The following FAM111A variants were observed in gnomAD, a reference collection of about 807,000 sequenced individuals.
The protein encoded by FAM111A is FAM111 trypsin like peptidase A, also known as serine protease FAM111A.
Under a neutral mutation model 3.3 loss-of-function variants are expected in FAM111A, and 8 were observed. The observed-to-expected ratio is 2.39, with a 90% CI of 1.40 to 4.32. The LOEUF (loss-of-function observed/expected upper bound fraction) is 4.32, where lower values mean the gene tolerates loss of function less well. Among genes scored for constraint, FAM111A ranks in the 30% most tolerant of loss-of-function variants. FAM111A has a pLI of 0.00. For missense variants in FAM111A, 683 were observed against 727.6 expected (o/e 0.94, Z 0.71); for synonymous variants, 227 against 243.1 (o/e 0.93, Z 0.62).
Position 59,152,469 on chromosome 11 carries a change from G to A in FAM111A, c.801G>A (p.Glu267=). 1.2e-6 allele frequency: 2 copies of A among 1,611,086 alleles called. No homozygotes were observed. Among genetic ancestry groups the A allele is most frequent in the Non-Finnish European group, 1.7e-6 (2 of 1,177,336 alleles). ...TAGAAGGCAGATACTTTCAGGTTGAGGTTGAGAAAAGAATGGTCCCCAGTG... is the reference window on the plus strand; with the variant it reads ...TAGAAGGCAGATACTTTCAGGTTGAAGTTGAGAAAAGAATGGTCCCCAGTG... The part of the protein sequence containing the change: ...DELEGRYFQV[E]VEKRMVPSAA... Residue 267 remains glutamate, a synonymous_variant, in exon 6 of 6, where the codon GAG becomes GAA. Transcript: ENST00000675163.
Position 59,152,051 on chromosome 11 carries a change from T to G in FAM111A, c.383T>G (p.Val128Gly), listed in dbSNP as rs1861742806. Residue 128 changes from valine (V) to glycine (G), a missense_variant, in exon 6 of 6, where the codon GTG becomes GGG. This residue lies in a region of FAM111A where 557 missense variants were observed against 600.2 expected (regional missense o/e 0.93). Transcript: ENST00000675163. ...IETHQGQEML[V>G]RGTEGIKEYI... ...ACTCACCAAGGCCAAGAAATGCTTG[T>G]GCGTGGCACAGAAGGAATCAAAGAG... 1 of 1,614,090 alleles carries G rather than the reference T, an allele frequency of 6.2e-7. No individual in the cohort carries two copies.
In FAM111A at chr11:59,153,797, G is replaced by C. The variant is rs1862023200; in HGVS notation, c.*293G>C. 1 of 198,048 alleles carries C rather than the reference G, an allele frequency of 5.0e-6. No individual in the cohort carries two copies. Among genetic ancestry groups the C allele is most frequent in the Admixed American group, 5.8e-5 (1 of 17,200 alleles). 12.3% of individuals were successfully genotyped at this position (198,048 alleles called of 1,614,324 possible). ...GCTCACTGCAACTTCCACCTCCCAG[G>C]TTCAAGCGATTCTTATGCCTCAGTC... On this transcript the variant is annotated 3_prime_UTR_variant, in exon 6 of 6. Transcript: ENST00000675163.
intron 4 of FAM111A, among the ~76,000 whole-genome samples, chr11:59,147,086 A>G (rs935367946): frequency 2.6e-5 from 4 of 152,234 alleles, no homozygotes; most frequent in Middle Eastern, 3.4e-3. Flanking sequence ...AAAGCCAAAC[A>G]TGAGAGATGA....
Position 59,148,864 on chromosome 11 carries a change from C to A in FAM111A, c.-9C>A. Reference sequence around the variant, plus strand: ...TTCAGCTGAACCATCCGTTCATCTTCAAGCCATCATGAGCTGTAAGAAGCA... The same window carrying A: ...TTCAGCTGAACCATCCGTTCATCTTAAAGCCATCATGAGCTGTAAGAAGCA... On this transcript the variant is annotated 5_prime_UTR_variant, in exon 5 of 6. Transcript: ENST00000675163. 1 of 1,608,970 alleles carries A rather than the reference C, an allele frequency of 6.2e-7. No homozygotes were observed. The highest frequency in any genetic ancestry group is 8.5e-7 in the Non-Finnish European group (1 of 1,175,496).
chr11:59,148,576 G>A (rs892404328), intron 4 of FAM111A: 5 of 317,896 alleles, frequency 1.6e-5, no homozygotes, highest in Non-Finnish European at 2.9e-5. Context: ...GGAATTTGCA[G>A]CTAGAGATAA....
chr11:59,153,480 AATG>A lies in FAM111A; in HGVS notation c.1817_1819del (p.Met606del). ...TATTTGTAAATCAGCAGGATGTAGA[AATG>A]ATGAGTGATGAGGACTTGTGAGAAT... On this transcript the variant is annotated inframe_deletion, in exon 6 of 6. Transcript: ENST00000675163. The A allele has an allele frequency of 1.2e-6, 2 of 1,609,948 alleles. No homozygotes were observed. The highest frequency in any genetic ancestry group is 1.7e-6 in the Non-Finnish European group (2 of 1,178,092).
At chr11:59,149,061 T>C (rs940705195) in intron 5 of FAM111A, 108 bp downstream of exon 5, 1 of 729,622 alleles carries the variant, frequency 1.4e-6, no homozygotes, top group African/African-American at 1.7e-5. Context: ...CTCAAATTCT[T>C]CACATAACAT....
At chr11:59,148,039 A>G (rs915338958) in intron 4 of FAM111A, among the ~76,000 whole-genome samples, 1 of 152,210 alleles carries the variant, frequency 6.6e-6, no homozygotes, top group Admixed American at 6.5e-5. Context: ...CATGTCTCAG[A>G]CATTGTTTTG....
chr11:59,147,781 T>A (rs996630801), intron 4 of FAM111A, among the ~76,000 whole-genome samples: 1 of 152,232 alleles, frequency 6.6e-6, no homozygotes, highest in Non-Finnish European at 1.5e-5. Context: ...TCTAATAAAT[T>A]GTTCATAATA....
chr11:59,151,706 C>A, intron 5 of FAM111A, 44 bp from the exon 6 acceptor site: 1 of 1,396,836 alleles, frequency 7.2e-7, no homozygotes, highest in South Asian at 1.4e-5. Context: ...ACAAAAGACT[C>A]GGGTTGCATT....
intron 3 of FAM111A, chr11:59,144,164 A>G (rs1382295022): frequency 6.6e-6 from 1 of 152,242 alleles, no homozygotes; most frequent in Non-Finnish European, 1.5e-5. Context: ...TGTCTTATCA[A>G]CAGGTTGCTT....
chr11:59,145,239 A>AAGAGGGAGAGTGAAGGAGGGGAGG (rs1860698795), intron 3 of FAM111A: 1 of 148,898 alleles, frequency 6.7e-6, no homozygotes, highest in Admixed American at 6.7e-5. Context: ...GGGAGAGAGG[A>AAGAGGGAGAGTGAAGGAGGGGAGG]AGAGGGAGAG....
Position 59,153,575 on chromosome 11 carries a change from C to T in FAM111A, c.*71C>T. ...TTTCATAGGCATTGAAAATGGTTTT[C>T]TAAACTCCAAAATGGTCATCTTATC... On this transcript the variant is annotated 3_prime_UTR_variant, in exon 6 of 6. Transcript: ENST00000675163. 2 of 1,167,274 alleles carry T rather than the reference C, an allele frequency of 1.7e-6. No homozygotes were observed. The highest frequency in any genetic ancestry group is 2.4e-6 in the Non-Finnish European group (2 of 822,816). 72.3% of individuals were successfully genotyped at this position (1,167,274 alleles called of 1,614,324 possible). A position where few individuals can be genotyped will look rare whatever the true frequency, so the allele number is the denominator to read the frequency against.
Position 59,148,854 on chromosome 11 carries a change from C to A in FAM111A, c.-19C>A. ...AAATTAGTGTTTCAGCTGAACCATC[C>A]GTTCATCTTCAAGCCATCATGAGCT... On this transcript the variant is annotated 5_prime_UTR_variant, in exon 5 of 6. Coordinates refer to ENST00000675163, the MANE Select transcript of FAM111A (RefSeq NM_001312909.2). The A allele has an allele frequency of 6.4e-7, 1 of 1,573,526 alleles. No individual in the cohort carries two copies. The highest frequency in any genetic ancestry group is 8.7e-7 in the Non-Finnish European group (1 of 1,143,442).
intron 5 of FAM111A, among the ~76,000 whole-genome samples, chr11:59,150,469 G>A (rs1399154898): frequency 6.6e-6 from 1 of 152,052 alleles, no homozygotes; most frequent in Admixed American, 6.6e-5. Context: ...GCTGGCATAC[G>A]GACCCATATC....
rs1462100025 is a variant in FAM111A at position 59,153,782 on chromosome 11, A to G, written c.*278A>G. 1 of 218,176 alleles carries G rather than the reference A, an allele frequency of 4.6e-6. No individual in the cohort carries two copies. The highest frequency in any genetic ancestry group is 1.2e-4 in the South Asian group (1 of 8,508). The allele number at this position is 218,176 out of a possible 1,614,324, so 13.5% of individuals were successfully genotyped here. On this transcript the variant is annotated 3_prime_UTR_variant, in exon 6 of 6. Coordinates refer to ENST00000675163, the MANE Select transcript of FAM111A (RefSeq NM_001312909.2). The stretch of plus-strand genomic sequence containing the variant: ...AGTGGTGCGATCTCAGCTCACTGCA[A>G]CTTCCACCTCCCAGGTTCAAGCGAT...
intron 4 of FAM111A, among the ~76,000 whole-genome samples, chr11:59,146,258 A>T (rs1378208562): frequency 6.6e-6 from 1 of 151,974 alleles, no homozygotes; most frequent in Non-Finnish European, 1.5e-5. Context: ...CTAATTTTTA[A>T]TTCTTAGTAG....
At chr11:59,151,158 T>C (rs1480368774) in intron 5 of FAM111A, among the ~76,000 whole-genome samples, 3 of 145,942 alleles carry the variant, frequency 2.1e-5, no homozygotes, top group Non-Finnish European at 4.5e-5. Flanking sequence ...CTAGTGGACT[T>C]TTTTTTTTTG....
rs762523325 is a variant in FAM111A, at chr11:59,153,014, G to A, written c.1346G>A (p.Gly449Glu). The change falls in exon 6 of 6, where the codon GGA becomes GAA. Residue 449 changes from glycine to glutamate, a missense_variant. Transcript: ENST00000675163. ...DYAVLKLKEN[G>E]QQVPMELYNG... ...GCTGTCCTGAAACTGAAGGAAAATG[G>A]ACAACAAGTACCTATGGAACTATAT... 2 of 1,614,072 alleles carry A rather than the reference G, an allele frequency of 1.2e-6. No homozygotes were observed. Among genetic ancestry groups the A allele is most frequent in the Non-Finnish European group, 1.7e-6 (2 of 1,180,020 alleles).
Sources: allele counts gnomAD v4.1 joint callset (sites outside exome capture counted in the v4.1 genomes callset), GRCh38; gene constraint gnomAD v4.1.1; regional missense constraint gnomAD v4.1.1; transcripts MANE v1.5; gene names NCBI Gene and HGNC (gene_info 2026-07-23, HGNC 2026-07-21).